ULBP2: variants seen among roughly 807,000 people sequenced by gnomAD.
The protein encoded by ULBP2 is UL16 binding protein 2.
ULBP2 carries 21 observed loss-of-function variants against 23.6 expected under a neutral mutation model. That is an observed-to-expected ratio of 0.89 (90% CI 0.63 to 1.28). The LOEUF is 1.28. Among genes scored for constraint, ULBP2 ranks in the 50% most tolerant of loss-of-function variants. The pLI is 0.00. For synonymous variants in ULBP2, 82 were observed against 112.8 expected (o/e 0.73, Z 1.73); for missense variants, 251 against 306.0 (o/e 0.82, Z 1.34).
At chr6:149,946,741 C>T (rs1778948639) in intron 3 of ULBP2, 88 bp downstream of exon 3, 4 of 1,577,468 alleles carry the variant, frequency 2.5e-6, no homozygotes, top group Admixed American at 1.8e-5. Flanking sequence ...CTTCAATCAT[C>T]CCAGTATACA....
intron 1 of ULBP2, among the ~76,000 whole-genome samples, chr6:149,943,656 C>A (rs1778896818): frequency 6.6e-6 from 1 of 152,178 alleles, no homozygotes; most frequent in Non-Finnish European, 1.5e-5. Context: ...AATAGGCATC[C>A]CTAAGCTTCA....
At position 149,948,737 on chromosome 6, in the gene ULBP2, C is replaced by T. The variant is rs912715011; in HGVS notation, c.*37C>T. On this transcript the variant is annotated 3_prime_UTR_variant, in exon 5 of 5. Coordinates refer to ENST00000367351, the MANE Select transcript of ULBP2 (RefSeq NM_025217.4). The stretch of plus-strand genomic sequence containing the variant: ...CCTTTCTGAAGGTTAAAGCTGATAC[C>T]AAAAGGCTCCTGTGAGCACGGTCTT... The T allele has an allele frequency of 3.1e-5, 14 of 456,580 alleles. No individual in the cohort carries two copies. The highest frequency in any genetic ancestry group is 2.8e-4 in the African/African-American group (14 of 50,072). The allele number at this position is 456,580 out of a possible 1,614,324, so 28.3% of individuals were successfully genotyped here. A position where few individuals can be genotyped will look rare whatever the true frequency, so the allele number is the denominator to read the frequency against.
intron 1 of ULBP2, among the ~76,000 whole-genome samples, chr6:149,943,854 C>T (rs1171470317): frequency 6.6e-6 from 1 of 151,932 alleles, no homozygotes; most frequent in African/African-American, 2.4e-5. Context: ...ACATTGTGAC[C>T]ACATGTACCT....
intron 3 of ULBP2, 120 bp downstream of exon 3, chr6:149,946,773 C>T (rs1778949230): frequency 3.3e-6 from 5 of 1,519,914 alleles, no homozygotes; most frequent in Admixed American, 2.0e-5. Flanking sequence ...AAATGACCTC[C>T]TCGTGGGGCG....
At chr6:149,942,254 G>C (rs1481215299) in intron 1 of ULBP2, 97 bp downstream of exon 1, 2 of 1,308,934 alleles carry the variant, frequency 1.5e-6, no homozygotes, top group Non-Finnish European at 2.1e-6. Flanking sequence ...CTAGAAGGAC[G>C]GGGGAGATCT....
In ULBP2 at chr6:149,946,563, T is replaced by A. The variant is rs1030561320; in HGVS notation, c.541T>A (p.Ser181Thr). 1 of 1,614,094 alleles carries A rather than the reference T, an allele frequency of 6.2e-7. No homozygotes were observed. The highest frequency in any genetic ancestry group is 8.5e-7 in the Non-Finnish European group (1 of 1,180,044). The change falls in exon 3 of 5, where the codon TCC becomes ACC. Residue 181 changes from serine (S) to threonine (T), a missense_variant. Around this residue, in one of 2 missense-constraint regions of ULBP2, gnomAD observed 248 missense variants for 258.9 expected, o/e 0.96. Transcript: ENST00000367351. ...KWENDKVVAM[S>T]FHYFSMGDCI... is the part of the protein sequence containing the mutation. The stretch of plus-strand genomic sequence containing the variant: ...GGAGAATGACAAGGTTGTGGCCATG[T>A]CCTTCCATTACTTCTCAATGGGAGA...
rs912566 is a variant in ULBP2, at chr6:149,945,310, C to T, written c.87C>T (p.Asp29=). The T allele has an allele frequency of 2.5e-6, 4 of 1,610,806 alleles. No individual in the cohort carries two copies. Among genetic ancestry groups the T allele is most frequent in the Non-Finnish European group, 3.4e-6 (4 of 1,179,198 alleles). The change falls in exon 2 of 5, where the codon GAC becomes GAT. Residue 29 remains aspartate, a splice_region_variant and synonymous_variant. Transcript: ENST00000367351. ...LSGWSRAGRA[D]PHSLCYDITV... ...CCCCTCACCTGCCTTTCTCCACAGA[C>T]CCTCACTCTCTTTGCTATGACATCA...
rs1432686275 is a variant in ULBP2 at position 149,948,944 on chromosome 6, T to C, written c.*244T>C. 9 of 293,342 alleles carry C rather than the reference T, an allele frequency of 3.1e-5. No homozygotes were observed. The East Asian group carries it at 8.0e-4, about 26-fold the overall frequency. The allele number at this position is 293,342 out of a possible 1,614,324, so 18.2% of individuals were successfully genotyped here. ...TATGCAATTTTCTCTTGGTGCTACCTGATGGAATTCCTGCACTTAAAGTTC... is the reference window on the plus strand; with the variant it reads ...TATGCAATTTTCTCTTGGTGCTACCCGATGGAATTCCTGCACTTAAAGTTC... On this transcript the variant is annotated 3_prime_UTR_variant, in exon 5 of 5. Transcript: ENST00000367351.
intron 1 of ULBP2, among the ~76,000 whole-genome samples, chr6:149,944,507 C>A (rs1177417383): frequency 7.1e-6 from 1 of 141,272 alleles, no homozygotes; most frequent in Non-Finnish European, 1.5e-5. Context: ...GCATCTCCTA[C>A]CCCCAACCCT....
chr6:149,948,841 ACAT>A lies in ULBP2; in HGVS notation c.*145_*147del. The A allele has an allele frequency of 2.2e-6, 1 of 449,790 alleles. No individual in the cohort carries two copies. The highest frequency in any genetic ancestry group is 4.5e-6 in the Non-Finnish European group (1 of 223,102). The allele number at this position is 449,790 out of a possible 1,614,324, so 27.9% of individuals were successfully genotyped here. ...CAGTGGCCTCCAGCAGATCATGATG[ACAT>A]CATGGACCCAATAGCTCATTCACTG... On this transcript the variant is annotated 3_prime_UTR_variant, in exon 5 of 5. Coordinates refer to ENST00000367351, the MANE Select transcript of ULBP2 (RefSeq NM_025217.4).
At chr6:149,948,304 G>A (rs1014974271) in intron 4 of ULBP2, among the ~76,000 whole-genome samples, 1 of 152,212 alleles carries the variant, frequency 6.6e-6, no homozygotes, top group African/African-American at 2.4e-5. Context: ...AGTGTGAGGA[G>A]AGGCTCAAGA....
At chr6:149,946,829 T>C in intron 3 of ULBP2, 176 bp downstream of exon 3, 1 of 1,090,956 alleles carries the variant, frequency 9.2e-7, no homozygotes, top group Non-Finnish European at 1.3e-6. Context: ...CACCGTCCTC[T>C]TCCTTCTCCC....
chr6:149,943,292 G>A (rs1778891074), intron 1 of ULBP2, among the ~76,000 whole-genome samples: 1 of 152,136 alleles, frequency 6.6e-6, no homozygotes, highest in East Asian at 1.9e-4. Context: ...GATGTCAGTT[G>A]GAGAGTAGAA....
At position 149,945,718 on chromosome 6, in the gene ULBP2, C is replaced by A. The variant is rs150667100; in HGVS notation, c.349+146C>A. ...AGCACTTTGTGAGGTAGAGGTGGGC[C>A]GATCACAAGGTCAGGAATTCGAGAC... On this transcript the variant is annotated intron_variant, in intron 2 of 4. Transcript: ENST00000367351. The A allele has an allele frequency of 6.0e-4, 901 of 1,494,598 alleles. 5 individuals are homozygous for A. In the African/African-American group the frequency reaches 8.3e-3, roughly 14 times the overall value. The allele number at this position is 1,494,598 out of a possible 1,614,324, so 92.6% of individuals were successfully genotyped here.
rs114849630 is a variant in ULBP2, at chr6:149,946,688, T to A, written c.631+35T>A. ...GAAAAAGAAACGGGGATCTCAAATGTGATCAGAAATGGTGACCTCAAGAAG... is the reference window on the plus strand; with the variant it reads ...GAAAAAGAAACGGGGATCTCAAATGAGATCAGAAATGGTGACCTCAAGAAG... On this transcript the variant is annotated intron_variant, in intron 3 of 4. Transcript: ENST00000367351. The A allele has an allele frequency of 2.0e-3, 3,252 of 1,607,988 alleles. 28 individuals carry two copies. The African/African-American group carries it at 0.036, about 18-fold the overall frequency.
chr6:149,946,710 GA>G, intron 3 of ULBP2, 57 bp downstream of exon 3: 1 of 1,601,234 alleles, frequency 6.2e-7, no homozygotes, highest in Middle Eastern at 1.7e-4. Context: ...GTGACCTCAA[GA>G]AGTTAGTTCT....
intron 1 of ULBP2, among the ~76,000 whole-genome samples, chr6:149,942,397 G>GC (rs1778876778): frequency 6.6e-6 from 1 of 152,168 alleles, no homozygotes; most frequent in Non-Finnish European, 1.5e-5. Context: ...GGGTGGAGGG[G>GC]CCGGAGGGCT....
intron 2 of ULBP2, among the ~76,000 whole-genome samples, chr6:149,945,777 C>A (rs182573516): frequency 6.6e-6 from 1 of 151,410 alleles, no homozygotes; most frequent in Non-Finnish European, 1.5e-5. Flanking sequence ...ACTGTCTCTA[C>A]CAAAAATGCA....
rs1778924129 is a variant in ULBP2 at position 149,945,514 on chromosome 6, G to A, written c.291G>A (p.Val97=). Residue 97 remains valine (V), a synonymous_variant, in exon 2 of 5, where the codon GTG becomes GTA. Transcript: ENST00000367351. ...CACAGAACCCAGTACTGAGAGAGGT[G>A]GTGGACATACTTACAGAGCAACTGC... is the stretch of plus-strand genomic sequence containing the variant. ...WKAQNPVLRE[V]VDILTEQLRD... The A allele has an allele frequency of 6.2e-7, 1 of 1,613,918 alleles. No individual in the cohort carries two copies. Among genetic ancestry groups the A allele is most frequent in the Admixed American group, 1.7e-5 (1 of 60,008 alleles).
Sources: allele counts gnomAD v4.1 joint callset (sites outside exome capture counted in the v4.1 genomes callset), GRCh38; gene constraint gnomAD v4.1.1; regional missense constraint gnomAD v4.1.1; transcripts MANE v1.5; gene names NCBI Gene and HGNC (gene_info 2026-07-23, HGNC 2026-07-21).